The following INSL6 variants were observed in gnomAD, a reference collection of about 807,000 sequenced individuals.
INSL6 encodes insulin like 6.
A neutral mutation model predicts 9.4 loss-of-function variants in INSL6; 16 were observed. The observed-to-expected ratio is 1.70, with a 90% CI of 1.15 to 2.59. INSL6 has a LOEUF of 2.59. Among genes scored for constraint, INSL6 ranks in the 30% most tolerant of loss-of-function variants. The pLI, the probability that INSL6 is intolerant of heterozygous loss-of-function variation, is 0.00. For missense variants in INSL6, 391 were observed against 257.3 expected (o/e 1.52, Z -3.56); for synonymous variants, 154 against 96.9 (o/e 1.59, Z -3.46).
the INSL6 span, chr9:5,055,733 A>G: frequency 6.2e-7 from 1 of 1,609,438 alleles, no homozygotes; most frequent in Admixed American, 1.7e-5. Flanking sequence ...GCAAACCAAG[A>G]GGGTTCAAAT....
At chr9:5,124,254 T>C (rs2130857708) in exon 4 of INSL6, among the ~76,000 whole-genome samples, 1 of 152,056 alleles carries the variant, frequency 6.6e-6, no homozygotes, top group South Asian at 2.1e-4. Context: ...TTGCCTATGC[T>C]TTTGAGGTCT....
chr9:5,178,361 T>G (rs752104937), intron 1 of INSL6, among the ~76,000 whole-genome samples: 1 of 152,094 alleles, frequency 6.6e-6, no homozygotes, highest in Non-Finnish European at 1.5e-5. Context: ...AGCTTGCTGG[T>G]TGGCATGAGA....
At chr9:5,176,149 C>G (rs1456530898) in intron 1 of INSL6, among the ~76,000 whole-genome samples, 3 of 152,194 alleles carry the variant, frequency 2.0e-5, no homozygotes, top group Admixed American at 2.0e-4. Flanking sequence ...CTTTGCTACT[C>G]CCTGTATACA....
chr9:5,031,258 G>C, the INSL6 span, among the ~76,000 whole-genome samples: 901 of 152,200 alleles, frequency 5.9e-3, 13 homozygotes, highest in African/African-American at 0.021. Flanking sequence ...TGAGAAAGAA[G>C]ACTTACCTGG....
intron 3 of INSL6, chr9:5,126,828 A>G (rs769977127): frequency 4.6e-6 from 6 of 1,318,276 alleles, no homozygotes; most frequent in Non-Finnish European, 6.5e-6. Flanking sequence ...AAGTAGATTT[A>G]CAGAACAAAG....
At chr9:5,063,479 G>T in the INSL6 span, among the ~76,000 whole-genome samples, 2 of 152,118 alleles carry the variant, frequency 1.3e-5, no homozygotes, top group East Asian at 1.9e-4. Flanking sequence ...TCTTATCCTG[G>T]TAACTATGTT....
intron 1 of INSL6, among the ~76,000 whole-genome samples, chr9:5,175,229 C>A (rs1047478111): frequency 1.3e-5 from 2 of 152,082 alleles, no homozygotes; most frequent in Non-Finnish European, 2.9e-5. Context: ...CATGAGCCAC[C>A]GCGTCTGGCC....
the INSL6 span, chr9:5,111,901 G>T: frequency 2.8e-6 from 1 of 354,716 alleles, no homozygotes. Context: ...GGACGCCCTC[G>T]GGAAGGCCTG....
chr9:5,097,817 T>C, the INSL6 span: 1 of 152,234 alleles, frequency 6.6e-6, no homozygotes, highest in Non-Finnish European at 1.5e-5. Flanking sequence ...CCAGGAGCGG[T>C]GTTCGCCATC....
the INSL6 span, among the ~76,000 whole-genome samples, chr9:5,042,768 G>GCCTC: frequency 6.6e-6 from 1 of 152,174 alleles, no homozygotes; most frequent in Admixed American, 6.5e-5. Context: ...GTGAGGCTGT[G>GCCTC]CCCCAGGCCT....
At chr9:5,000,492 GAAAT>G in the INSL6 span, among the ~76,000 whole-genome samples, 1 of 152,132 alleles carries the variant, frequency 6.6e-6, no homozygotes, top group Non-Finnish European at 1.5e-5. Flanking sequence ...ACATAAAAAT[GAAAT>G]AAAGGCATAT....
At chr9:5,037,649 T>A in the INSL6 span, among the ~76,000 whole-genome samples, 2 of 152,054 alleles carry the variant, frequency 1.3e-5, no homozygotes, top group African/African-American at 4.8e-5. Flanking sequence ...TAGGTGGGAA[T>A]TGAACAATGA....
chr9:5,154,126 T>A (rs1299190526), intron 2 of INSL6, among the ~76,000 whole-genome samples: 3 of 145,288 alleles, frequency 2.1e-5, no homozygotes, highest in African/African-American at 8.5e-5. Context: ...AAAACAGAGA[T>A]ACAGACCAAT....
chr9:5,024,086 C>G, the INSL6 span, among the ~76,000 whole-genome samples: 1 of 152,164 alleles, frequency 6.6e-6, no homozygotes, highest in East Asian at 1.9e-4. Flanking sequence ...GAAACCTCAT[C>G]TCTGCTAAAA....
chr9:5,072,396 G>T, the INSL6 span: 1 of 870,222 alleles, frequency 1.1e-6, no homozygotes. Flanking sequence ...CTTGCTTATG[G>T]ATTTAAAAAA....
intron 2 of INSL6, among the ~76,000 whole-genome samples, chr9:5,155,722 G>C (rs1295045539): frequency 7.1e-6 from 1 of 141,004 alleles, no homozygotes; most frequent in Non-Finnish European, 1.5e-5. Context: ...TGAACAATGA[G>C]AACACATGGA....
chr9:5,182,150 T>A (rs1825470076), intron 1 of INSL6, among the ~76,000 whole-genome samples: 1 of 152,124 alleles, frequency 6.6e-6, no homozygotes, highest in African/African-American at 2.4e-5. Flanking sequence ...GGTAGGGAGT[T>A]CAAGGCTACA....
At chr9:5,141,823 G>T (rs1484608812) in intron 2 of INSL6, among the ~76,000 whole-genome samples, 1 of 152,132 alleles carries the variant, frequency 6.6e-6, no homozygotes, top group Admixed American at 6.5e-5. Flanking sequence ...TATTGCCTAG[G>T]TTGTCTCCCA....
At chr9:5,020,812 G>A in the INSL6 span, among the ~76,000 whole-genome samples, 6 of 152,098 alleles carry the variant, frequency 3.9e-5, no homozygotes, top group African/African-American at 1.4e-4. Context: ...GGTGACTGTC[G>A]GTGGAGGATG....
Sources: allele counts gnomAD v4.1 joint callset (sites outside exome capture counted in the v4.1 genomes callset), GRCh38; gene constraint gnomAD v4.1.1; transcripts MANE v1.5; gene names NCBI Gene and HGNC (gene_info 2026-07-23, HGNC 2026-07-21).